The following INPP4B variants were observed in gnomAD, a reference collection of about 807,000 sequenced individuals.
The protein encoded by INPP4B is inositol polyphosphate-4-phosphatase type II B, also known as inositol polyphosphate 4-phosphatase type II.
Under a neutral mutation model 122.5 loss-of-function variants are expected in INPP4B, and 55 were observed. The observed-to-expected ratio is 0.45, with a 90% CI of 0.36 to 0.56. INPP4B has a LOEUF of 0.56. Among genes scored for constraint, INPP4B ranks in the 20% least tolerant of loss-of-function variants. The pLI, the probability that INPP4B is intolerant of heterozygous loss-of-function variation, is 0.00. For synonymous variants in INPP4B, 403 were observed against 388.7 expected (o/e 1.04, Z -0.43); for missense variants, 1,000 against 1,097.7 (o/e 0.91, Z 1.26).
At position 142,541,586 on chromosome 4, in the gene INPP4B, T is replaced by G. The variant is rs1456682663; in HGVS notation, c.-190-78860A>C. ...TCACAACTCCAAATCTACCCTTCAA[T>G]GCTTGCTTTGCAGAAATGAAGCTGA... On this transcript the variant is annotated intron_variant, in intron 2 of 25. Coordinates refer to ENST00000262992, the MANE Select transcript of INPP4B (RefSeq NM_001101669.3). 2.0e-5 allele frequency among the ~76,000 whole-genome samples: 3 copies of G among 152,240 alleles called. No homozygotes were observed. In the East Asian group the frequency reaches 5.8e-4, roughly 29 times the overall value.
intron 2 of INPP4B, among the ~76,000 whole-genome samples, chr4:142,713,495 T>A (rs1035183506): frequency 6.6e-6 from 1 of 152,044 alleles, no homozygotes; most frequent in African/African-American, 2.4e-5. Context: ...GAGTAAATGG[T>A]TGGTGAGAAA....
intron 2 of INPP4B, among the ~76,000 whole-genome samples, chr4:142,519,837 A>AT (rs1225457340): frequency 6.6e-6 from 1 of 152,120 alleles, no homozygotes; most frequent in Non-Finnish European, 1.5e-5. Context: ...TTATATCACT[A>AT]TATTTCCAAG....
At chr4:142,658,926 G>C (rs1754645967) in intron 2 of INPP4B, among the ~76,000 whole-genome samples, 1 of 152,054 alleles carries the variant, frequency 6.6e-6, no homozygotes, top group Non-Finnish European at 1.5e-5. Context: ...CCCATGGTTG[G>C]GCTTGGCTTT....
At chr4:142,736,533 C>T (rs1209259047) in intron 1 of INPP4B, among the ~76,000 whole-genome samples, 2 of 152,008 alleles carry the variant, frequency 1.3e-5, no homozygotes, top group Admixed American at 6.6e-5. Flanking sequence ...AAGTTGGATT[C>T]CTAGGTATTT....
At chr4:142,171,045 G>T (rs1446322488) in intron 16 of INPP4B, among the ~76,000 whole-genome samples, 1 of 151,670 alleles carries the variant, frequency 6.6e-6, no homozygotes, top group Non-Finnish European at 1.5e-5. Flanking sequence ...GAATTTTTCT[G>T]TTGCCACTTG....
chr4:142,364,882 G>T (rs1054419201), intron 7 of INPP4B, among the ~76,000 whole-genome samples: 4 of 152,046 alleles, frequency 2.6e-5, no homozygotes, highest in African/African-American at 9.7e-5. Flanking sequence ...AACAGCACCA[G>T]TCATGCAAGG....
intron 12 of INPP4B, among the ~76,000 whole-genome samples, chr4:142,234,272 G>A (rs898947120): frequency 3.3e-5 from 5 of 152,092 alleles, no homozygotes; most frequent in African/African-American, 4.8e-5. Context: ...TAGGAAGAGC[G>A]TATTGTGTTT....
chr4:142,563,310 C>A (rs1028886788), intron 2 of INPP4B, among the ~76,000 whole-genome samples: 1 of 152,144 alleles, frequency 6.6e-6, no homozygotes, highest in African/African-American at 2.4e-5. Flanking sequence ...TAAGATGTAA[C>A]TAAATCCAAG....
intron 2 of INPP4B, among the ~76,000 whole-genome samples, chr4:142,491,360 G>A (rs1222236164): frequency 1.3e-5 from 2 of 152,098 alleles, no homozygotes; most frequent in African/African-American, 4.8e-5. Context: ...TTATACGTGA[G>A]CCCAAAACAC....
At chr4:142,491,981 T>C (rs963922062) in intron 2 of INPP4B, among the ~76,000 whole-genome samples, 1 of 152,196 alleles carries the variant, frequency 6.6e-6, no homozygotes, top group East Asian at 1.9e-4. Flanking sequence ...GAATTGTAGT[T>C]CCCATAATCC....
chr4:142,779,497 A>G (rs1774471095), intron 1 of INPP4B, among the ~76,000 whole-genome samples: 1 of 152,172 alleles, frequency 6.6e-6, no homozygotes, highest in Non-Finnish European at 1.5e-5. Context: ...ATCTTATCAG[A>G]AAGTTTTTCC....
At chr4:142,061,823 CAT>C (rs143762690) in intron 25 of INPP4B, among the ~76,000 whole-genome samples, 6,752 of 144,316 alleles carry the variant, frequency 0.047, 578 homozygotes, top group African/African-American at 0.16. Flanking sequence ...TATAAAATGT[CAT>C]ATATAAATGC....
chr4:142,558,793 TAAAAAAAAAAAAAAAA>T (rs34151070), intron 2 of INPP4B, among the ~76,000 whole-genome samples: 1 of 75,546 alleles, frequency 1.3e-5, no homozygotes, highest in Non-Finnish European at 2.6e-5. Context: ...AGACTCCCTC[TAAAAAAAAAAAAAAAA>T]AAAAAAAAAA....
chr4:142,161,293 C>A (rs1296953941), intron 16 of INPP4B, among the ~76,000 whole-genome samples: 1 of 151,978 alleles, frequency 6.6e-6, no homozygotes, highest in Non-Finnish European at 1.5e-5. Context: ...CAATAAAGAA[C>A]TTTACAGCTG....
chr4:142,718,569 C>T (rs533361317), intron 2 of INPP4B, among the ~76,000 whole-genome samples: 3 of 152,244 alleles, frequency 2.0e-5, no homozygotes, highest in South Asian at 2.1e-4. Context: ...ATTAAGCTAG[C>T]GCTGTGCCTT....
chr4:142,725,990 G>A, intron 1 of INPP4B, 89 bp from the exon 2 acceptor site: 1 of 393,116 alleles, frequency 2.5e-6, no homozygotes, highest in Non-Finnish European at 4.5e-6. Context: ...TAGTAATAAA[G>A]GTCAGAGAAG....
chr4:142,809,359 C>T (rs1323477420), intron 1 of INPP4B, among the ~76,000 whole-genome samples: 1 of 152,128 alleles, frequency 6.6e-6, no homozygotes. Flanking sequence ...TTGCATATTT[C>T]TTAAGACCTA....
At chr4:142,239,259 T>C (rs191662220) in intron 11 of INPP4B, among the ~76,000 whole-genome samples, 1 of 152,046 alleles carries the variant, frequency 6.6e-6, no homozygotes, top group Admixed American at 6.6e-5. Context: ...ATTTCGAACA[T>C]CCCATTCTTC....
intron 2 of INPP4B, among the ~76,000 whole-genome samples, chr4:142,574,862 T>C (rs1733521102): frequency 6.6e-6 from 1 of 152,082 alleles, no homozygotes; most frequent in Non-Finnish European, 1.5e-5. Flanking sequence ...GTAACACTCG[T>C]TGTGACCCAC....
Sources: gnomAD v4.1 joint callset for allele counts (sites outside exome capture counted in the v4.1 genomes callset) on GRCh38, gnomAD v4.1.1 for gene constraint, MANE v1.5 for transcripts, NCBI Gene and HGNC (gene_info 2026-07-23, HGNC 2026-07-21) for gene names.